Variants in MSRB2 observed in about 807,000 individuals in gnomAD.
MSRB2 encodes methionine sulfoxide reductase B2, also known as methionine-R-sulfoxide reductase B2, mitochondrial.
A neutral mutation model predicts 19.0 loss-of-function variants in MSRB2; 17 were observed. The ratio of observed to expected loss-of-function variants is 0.89; its 90% CI spans 0.61 to 1.34. MSRB2 has a LOEUF of 1.34. Among genes scored for constraint, MSRB2 ranks in the 40% most tolerant of loss-of-function variants. The pLI is 0.00. For missense variants in MSRB2, 208 were observed against 237.6 expected (o/e 0.88, Z 0.82); for synonymous variants, 107 against 99.7 (o/e 1.07, Z -0.44).
intron 3 of MSRB2, among the ~76,000 whole-genome samples, chr10:23,118,337 GTTTTT>G (rs35011086): frequency 5.4e-5 from 5 of 92,156 alleles, no homozygotes; most frequent in African/African-American, 1.8e-4. Flanking sequence ...TTAGTTTTTT[GTTTTT>G]TTTTTTTTTT....
intron 2 of MSRB2, among the ~76,000 whole-genome samples, chr10:23,105,332 G>A (rs1178674006): frequency 1.3e-5 from 2 of 151,758 alleles, no homozygotes; most frequent in South Asian, 2.1e-4. Flanking sequence ...TCTGTCACCC[G>A]AATACAATAC....
At chr10:23,109,659 G>A (rs1249657145) in intron 2 of MSRB2, among the ~76,000 whole-genome samples, 2 of 152,066 alleles carry the variant, frequency 1.3e-5, no homozygotes, top group East Asian at 1.9e-4. Flanking sequence ...TGCAAACCCT[G>A]TAACCCACAA....
chr10:23,096,005 G>T (rs1396978570), intron 1 of MSRB2, among the ~76,000 whole-genome samples: 1 of 151,966 alleles, frequency 6.6e-6, no homozygotes, highest in African/African-American at 2.4e-5. Context: ...CTCGGGGAGT[G>T]GGGGCATAAG....
chr10:23,100,128 A>C (rs1839911851), intron 1 of MSRB2, among the ~76,000 whole-genome samples: 1 of 152,238 alleles, frequency 6.6e-6, no homozygotes, highest in Admixed American at 6.5e-5. Context: ...ATCTACAGGA[A>C]TAATGCAAGA....
Position 23,110,277 on chromosome 10 carries a change from A to G in MSRB2, c.255A>G (p.Ala85=). The change falls in exon 3 of 5, where the codon GCA becomes GCG. Residue 85 remains alanine, a synonymous_variant. Coordinates refer to ENST00000376510, the MANE Select transcript of MSRB2 (RefSeq NM_012228.4). ...FSGIYLNNKE[A]GMYHCVCCDS... is the part of the protein sequence containing the mutation. ...GGATCTACCTGAATAACAAGGAAGC[A>G]GGAATGTATCATTGCGTGTGCTGCG... is the stretch of plus-strand genomic sequence containing the variant. The G allele has an allele frequency of 6.2e-7, 1 of 1,614,068 alleles. No individual in the cohort carries two copies. The highest frequency in any genetic ancestry group is 8.5e-7 in the Non-Finnish European group (1 of 1,179,946).
At chr10:23,103,841 G>C (rs987503139) in intron 1 of MSRB2, among the ~76,000 whole-genome samples, 8 of 152,186 alleles carry the variant, frequency 5.3e-5, no homozygotes, top group Non-Finnish European at 1.2e-4. Context: ...TCTACCCTTA[G>C]GTACCCGAAG....
At position 23,104,243 on chromosome 10, in the gene MSRB2, CG is replaced by C; in HGVS notation, c.219+1del. 6.2e-7 allele frequency: 1 copy of C among 1,612,280 alleles called. No individual in the cohort carries two copies. The highest frequency in any genetic ancestry group is 1.7e-5 in the Admixed American group (1 of 59,676). Reference sequence around the variant, plus strand: ...GTCACAAGAGAAAAGGGAACGGAACCGGTAAGCTAAGCTGGTTTACAGTTTT... The same window carrying C: ...GTCACAAGAGAAAAGGGAACGGAACCGTAAGCTAAGCTGGTTTACAGTTTT... Reference protein sequence around the residue: ...FYVTREKGTEPPFSGIYLNNK... With the variant: ...FYVTREKGTEXPFSGIYLNNK... On this transcript the variant is annotated frameshift_variant and splice_region_variant, in exon 2 of 5. Transcript: ENST00000376510. LOFTEE classifies it high-confidence loss of function.
At chr10:23,106,380 G>T (rs894054212) in intron 2 of MSRB2, among the ~76,000 whole-genome samples, 1 of 152,170 alleles carries the variant, frequency 6.6e-6, no homozygotes, top group Non-Finnish European at 1.5e-5. Context: ...CACTCTGCTA[G>T]ACCAACGAAT....
chr10:23,095,777 A>G lies in MSRB2; in HGVS notation c.118+51A>G, dbSNP rs1839854360. 1.4e-5 allele frequency: 16 copies of G among 1,176,866 alleles called. No individual in the cohort carries two copies. The East Asian group carries it at 5.1e-4, about 38-fold the overall frequency. 72.9% of individuals were successfully genotyped at this position (1,176,866 alleles called of 1,614,324 possible). ...GCCGCCGCCTACGGCTTTCGGCTTC[A>G]TTTCACCGGCTGCACCCGGGAGCCT... On this transcript the variant is annotated intron_variant, in intron 1 of 4. Transcript: ENST00000376510.
chr10:23,118,347 T>TTC lies in MSRB2; in HGVS notation c.297-956_297-955insCT, dbSNP rs1554795012. ...TTAGATTAGTTTTTTGTTTTTTTTT[T>TTC]TTTTTTTTTGGCTGGGTCTAACATT... is the stretch of plus-strand genomic sequence containing the variant. On this transcript the variant is annotated intron_variant, in intron 3 of 4. Coordinates refer to ENST00000376510, the MANE Select transcript of MSRB2 (RefSeq NM_012228.4). Among the ~76,000 whole-genome samples the TTC allele has an allele frequency of 5.3e-5, 8 of 149,656 alleles. 1 individual carries two copies. The South Asian group carries it at 1.3e-3, about 24-fold the overall frequency.
Position 23,119,293 on chromosome 10 carries a change from G to A in MSRB2, c.297-11G>A. Reference sequence around the variant, plus strand: ...CATTAGCAGCTGTAGTATCGTTTATGTCTTCCACAGTTCTGAGAAAAAGTA... The same window carrying A: ...CATTAGCAGCTGTAGTATCGTTTATATCTTCCACAGTTCTGAGAAAAAGTA... On this transcript the variant is annotated splice_polypyrimidine_tract_variant and intron_variant, in intron 3 of 4. Coordinates refer to ENST00000376510, the MANE Select transcript of MSRB2 (RefSeq NM_012228.4). 1 of 1,613,552 alleles carries A rather than the reference G, an allele frequency of 6.2e-7. No homozygotes were observed. The highest frequency in any genetic ancestry group is 8.5e-7 in the Non-Finnish European group (1 of 1,179,624).
At chr10:23,097,781 C>T (rs1386706105) in intron 1 of MSRB2, among the ~76,000 whole-genome samples, 1 of 151,982 alleles carries the variant, frequency 6.6e-6, no homozygotes, top group Non-Finnish European at 1.5e-5. Flanking sequence ...TGTTACAATG[C>T]TTGACACTTA....
intron 1 of MSRB2, among the ~76,000 whole-genome samples, chr10:23,102,117 G>A (rs1208969007): frequency 1.3e-5 from 2 of 152,082 alleles, no homozygotes; most frequent in African/African-American, 4.8e-5. Flanking sequence ...AGATTCATGT[G>A]CTCTTCCCCA....
Position 23,120,807 on chromosome 10 carries a change from G to A in MSRB2, c.494G>A (p.Gly165Asp). 6.2e-7 allele frequency: 1 copy of A among 1,614,150 alleles called. No individual in the cohort carries two copies. Among genetic ancestry groups the A allele is most frequent in the East Asian group, 2.2e-5 (1 of 44,884 alleles). Residue 165 changes from glycine to aspartate, a missense_variant, in exon 5 of 5, where the codon GGT becomes GAT. Physicochemically the swap from Gly to Asp is moderately conservative, Grantham distance 94. Coordinates refer to ENST00000376510, the MANE Select transcript of MSRB2 (RefSeq NM_012228.4). Reference protein sequence around the residue: ...HVFPDGPGPNGQRFCINSVAL... With the variant: ...HVFPDGPGPNDQRFCINSVAL... ...TTTCCTGATGGACCTGGGCCCAATG[G>A]TCAGAGGTTTTGCATCAACAGTGTG...
At chr10:23,107,536 A>G (rs1839997049) in intron 2 of MSRB2, among the ~76,000 whole-genome samples, 1 of 152,238 alleles carries the variant, frequency 6.6e-6, no homozygotes, top group East Asian at 1.9e-4. Context: ...AAAGGTTAAG[A>G]AATAAAAAGA....
intron 1 of MSRB2, among the ~76,000 whole-genome samples, chr10:23,095,944 G>A (rs1839858862): frequency 2.0e-5 from 3 of 151,854 alleles, no homozygotes; most frequent in Admixed American, 2.0e-4. Flanking sequence ...AGAATCCGAG[G>A]AAATGAACAA....
intron 3 of MSRB2, among the ~76,000 whole-genome samples, chr10:23,114,838 CCA>C (rs1331191171): frequency 5.3e-5 from 8 of 152,194 alleles, no homozygotes; most frequent in Admixed American, 1.3e-4. Context: ...GTTTTGGACT[CCA>C]GAGCCCACAT....
At chr10:23,102,233 A>G (rs182402236) in intron 1 of MSRB2, among the ~76,000 whole-genome samples, 1 of 152,290 alleles carries the variant, frequency 6.6e-6, no homozygotes, top group African/African-American at 2.4e-5. Context: ...TGCAGACATC[A>G]TGACACTTTA....
At chr10:23,111,142 G>C (rs763202633) in intron 3 of MSRB2, among the ~76,000 whole-genome samples, 5 of 152,168 alleles carry the variant, frequency 3.3e-5, no homozygotes, top group Admixed American at 6.5e-5. Context: ...TGCTAATGTG[G>C]GCTGCCTTAG....
Sources: allele counts gnomAD v4.1 joint callset (sites outside exome capture counted in the v4.1 genomes callset), GRCh38; gene constraint gnomAD v4.1.1; transcripts MANE v1.5; gene names NCBI Gene and HGNC (gene_info 2026-07-23, HGNC 2026-07-21).